The following UGT1A7 variants were observed in gnomAD, a reference collection of about 807,000 sequenced individuals.
UGT1A7 encodes UDP glucuronosyltransferase family 1 member A7.
In UGT1A7, 33 loss-of-function variants were observed where a neutral mutation model predicts 45.6. The observed-to-expected ratio is 0.72, with a 90% CI of 0.55 to 0.97. UGT1A7 has a LOEUF of 0.97. Ranked by LOEUF, UGT1A7 falls within the 50% of genes least tolerant of loss-of-function variation. UGT1A7 has a pLI of 0.00. For missense variants in UGT1A7, 684 were observed against 666.2 expected (o/e 1.03, Z -0.29); for synonymous variants, 274 against 250.6 (o/e 1.09, Z -0.88).
In UGT1A7 at chr2:233,690,489, C is replaced by T. The variant is rs542201347; in HGVS notation, c.855+7697C>T. On this transcript the variant is annotated intron_variant, in intron 1 of 4. Transcript: ENST00000373426. ...CTCCATTTACTTTTTGGGAAATCTG[C>T]TCTTGCCAACAGAGATTTGTTTTAT... The T allele has an allele frequency of 2.1e-4, 272 of 1,289,698 alleles. 1 individual carries two copies. In the Admixed American group the frequency reaches 5.5e-3, roughly 26 times the overall value. The allele number at this position is 1,289,698 out of a possible 1,614,324, so 79.9% of individuals were successfully genotyped here.
intron 1 of UGT1A7, among the ~76,000 whole-genome samples, chr2:233,727,024 C>T (rs1363887346): frequency 2.6e-5 from 4 of 152,054 alleles, no homozygotes; most frequent in African/African-American, 7.2e-5. Flanking sequence ...TGTTTTTGTA[C>T]CCTAAGGAAT....
intron 1 of UGT1A7, among the ~76,000 whole-genome samples, chr2:233,696,893 A>C (rs1347117727): frequency 6.6e-6 from 1 of 152,190 alleles, no homozygotes; most frequent in African/African-American, 2.4e-5. Context: ...GTTCTGTCCT[A>C]AATTCTGTCA....
At chr2:233,702,172 T>C (rs2075673441) in intron 1 of UGT1A7, among the ~76,000 whole-genome samples, 1 of 152,210 alleles carries the variant, frequency 6.6e-6, no homozygotes, top group Non-Finnish European at 1.5e-5. Context: ...TCACTCTTCT[T>C]TCTCTCCTTC....
intron 1 of UGT1A7, among the ~76,000 whole-genome samples, chr2:233,701,112 T>A (rs1234680101): frequency 6.6e-6 from 1 of 152,196 alleles, no homozygotes; most frequent in Non-Finnish European, 1.5e-5. Flanking sequence ...CTTAATCCAG[T>A]CTATCATTGA....
At chr2:233,720,118 G>C (rs1261428456) in intron 1 of UGT1A7, among the ~76,000 whole-genome samples, 1 of 152,216 alleles carries the variant, frequency 6.6e-6, no homozygotes, top group African/African-American at 2.4e-5. Flanking sequence ...GAAAGATACA[G>C]AGGTGACCAC....
chr2:233,713,208 A>G (rs528463880), intron 1 of UGT1A7: 3 of 1,614,188 alleles, frequency 1.9e-6, no homozygotes, highest in Non-Finnish European at 2.5e-6. Flanking sequence ...CAAAGAAGAG[A>G]ACTTTTTCAC....
At chr2:233,698,309 G>A (rs187823497) in intron 1 of UGT1A7, among the ~76,000 whole-genome samples, 41 of 152,288 alleles carry the variant, frequency 2.7e-4, no homozygotes, top group Non-Finnish European at 8.8e-5. Context: ...TGGACAGATG[G>A]AAATGTCTGG....
intron 1 of UGT1A7, among the ~76,000 whole-genome samples, chr2:233,751,332 T>C (rs1042149461): frequency 1.3e-5 from 2 of 152,004 alleles, no homozygotes; most frequent in African/African-American, 4.8e-5. Flanking sequence ...CCATTGTGTC[T>C]TGGAAGTTAC....
chr2:233,735,021 C>G (rs939464650), intron 1 of UGT1A7, among the ~76,000 whole-genome samples: 5 of 152,270 alleles, frequency 3.3e-5, no homozygotes, highest in Non-Finnish European at 5.9e-5. Context: ...CTGTAGATGT[C>G]TATTAGGTCT....
At chr2:233,743,602 G>T in intron 1 of UGT1A7, 1 of 1,367,274 alleles carries the variant, frequency 7.3e-7, no homozygotes, top group Non-Finnish European at 9.8e-7. Context: ...GGTCCTGGCC[G>T]CCGAAGAACT....
chr2:233,741,695 G>A (rs565346181), intron 1 of UGT1A7: 1 of 152,016 alleles, frequency 6.6e-6, no homozygotes, highest in East Asian at 1.9e-4. Flanking sequence ...ATTACATGCA[G>A]AGTGGACTCT....
At chr2:233,684,786 G>C (rs2074701046) in intron 1 of UGT1A7, among the ~76,000 whole-genome samples, 1 of 152,130 alleles carries the variant, frequency 6.6e-6, no homozygotes, top group African/African-American at 2.4e-5. Context: ...CTTTGGCAAA[G>C]AGCCCTGGAT....
At chr2:233,742,365 T>C (rs879560468) in intron 1 of UGT1A7, among the ~76,000 whole-genome samples, 1 of 151,994 alleles carries the variant, frequency 6.6e-6, no homozygotes, top group African/African-American at 2.4e-5. Flanking sequence ...AGCAGAAACA[T>C]GTCCTTAAGG....
intron 1 of UGT1A7, chr2:233,719,514 G>A: frequency 6.2e-7 from 1 of 1,613,922 alleles, no homozygotes; most frequent in Non-Finnish European, 8.5e-7. Context: ...TGCCCCTTAT[G>A]CAAGTCTTGC....
At chr2:233,740,774 A>AAAG (rs1357611508) in intron 1 of UGT1A7, 1 of 151,862 alleles carries the variant, frequency 6.6e-6, no homozygotes, top group African/African-American at 2.4e-5. Flanking sequence ...CCGTTGTATA[A>AAAG]AAGATGAATA....
At chr2:233,747,940 T>C in intron 1 of UGT1A7, 1 of 1,613,178 alleles carries the variant, frequency 6.2e-7, no homozygotes, top group Non-Finnish European at 8.5e-7. Flanking sequence ...CAGAGGGAGG[T>C]GTCAGTGGTG....
chr2:233,744,372 A>C (rs181518181), intron 1 of UGT1A7, among the ~76,000 whole-genome samples: 3 of 151,890 alleles, frequency 2.0e-5, no homozygotes. Flanking sequence ...TTAGGACTGC[A>C]GTTCTCCAAC....
At chr2:233,716,567 A>G (rs181280282) in intron 1 of UGT1A7, among the ~76,000 whole-genome samples, 81 of 152,206 alleles carry the variant, frequency 5.3e-4, no homozygotes, top group Admixed American at 1.1e-3. Context: ...TTCATTTTTT[A>G]AAAACAATAC....
chr2:233,714,390 A>T (rs994854711), intron 1 of UGT1A7, among the ~76,000 whole-genome samples: 2 of 152,218 alleles, frequency 1.3e-5, no homozygotes, highest in Non-Finnish European at 2.9e-5. Context: ...AATTGGGCCA[A>T]TGTAGGTGCA....
Sources: gnomAD v4.1 joint callset for allele counts (sites outside exome capture counted in the v4.1 genomes callset) on GRCh38, gnomAD v4.1.1 for gene constraint, MANE v1.5 for transcripts, NCBI Gene and HGNC (gene_info 2026-07-23, HGNC 2026-07-21) for gene names.